Variants in CACNA1E observed in about 807,000 individuals in gnomAD.
CACNA1E encodes voltage-dependent R-type calcium channel subunit alpha-1E.
A neutral mutation model predicts 259.2 loss-of-function variants in CACNA1E; 40 were observed. The observed-to-expected ratio is 0.15, with a 90% confidence interval of 0.12 to 0.20. CACNA1E has a LOEUF of 0.20. Among genes scored for constraint, CACNA1E ranks in the 10% least tolerant of loss-of-function variants. The pLI, the probability that CACNA1E is intolerant of heterozygous loss-of-function variation, is 1.00. For synonymous variants in CACNA1E, 1,104 were observed against 1,138.5 expected (o/e 0.97, Z 0.61); for missense variants, 1,874 against 3,040.1 (o/e 0.62, Z 9.02).
At chr1:181,425,519 G>T in intron 2 of CACNA1E, among the ~76,000 whole-genome samples, 1 of 145,744 alleles carries the variant, frequency 6.9e-6, no homozygotes, top group Non-Finnish European at 1.5e-5. Flanking sequence ...TGAAATTGCT[G>T]TACACCCCCG....
In CACNA1E at chr1:181,641,696, ATTTTTTG is replaced by A. The variant is rs1398016427; in HGVS notation, c.952-9635_952-9629del. Among the ~76,000 whole-genome samples the A allele has an allele frequency of 4.6e-4, 48 of 104,092 alleles. 1 individual carries two copies. The highest frequency in any genetic ancestry group is 1.8e-3 in the African/African-American group (45 of 24,758). The allele number at this position is 104,092 out of a possible 152,430, so 68.3% of individuals were successfully genotyped here. A position where few individuals can be genotyped will look rare whatever the true frequency, so the allele number is the denominator to read the frequency against. ...CAAATGAGATCATGAGGCAACACTA[ATTTTTTG>A]TTTTTTTTTTTTTTTTTTTTTTTTT... On this transcript the variant is annotated intron_variant, in intron 6 of 47. Coordinates refer to ENST00000367573, the MANE Select transcript of CACNA1E (RefSeq NM_001205293.3).
At chr1:181,568,698 A>G (rs1038896996) in intron 3 of CACNA1E, among the ~76,000 whole-genome samples, 2 of 152,032 alleles carry the variant, frequency 1.3e-5, no homozygotes, top group African/African-American at 4.8e-5. Flanking sequence ...TGGGGTTGTG[A>G]TTCTCCCACC....
At chr1:181,682,234 A>T (rs1650046368) in intron 7 of CACNA1E, among the ~76,000 whole-genome samples, 1 of 152,228 alleles carries the variant, frequency 6.6e-6, no homozygotes, top group African/African-American at 2.4e-5. Context: ...ACCATAGTTC[A>T]GTTGACTTTG....
At chr1:181,722,240 G>A (rs895350052) in intron 16 of CACNA1E, among the ~76,000 whole-genome samples, 1 of 152,156 alleles carries the variant, frequency 6.6e-6, no homozygotes, top group African/African-American at 2.4e-5. Flanking sequence ...TGCTAATGTA[G>A]AACAGAGCCT....
chr1:181,391,248 A>G (rs1249294547), intron 1 of CACNA1E, among the ~76,000 whole-genome samples: 1 of 152,212 alleles, frequency 6.6e-6, no homozygotes, highest in African/African-American at 2.4e-5. Flanking sequence ...TGCAGCAGCC[A>G]GAGTAATCTT....
intron 1 of CACNA1E, among the ~76,000 whole-genome samples, chr1:181,372,830 T>TATATATA (rs1426861536): frequency 8.1e-6 from 1 of 123,848 alleles, no homozygotes; most frequent in African/African-American, 3.6e-5. Flanking sequence ...ATATATATAT[T>TATATATA]TTTTTTTTAA....
chr1:181,693,029 A>C (rs772932077), intron 7 of CACNA1E, among the ~76,000 whole-genome samples: 1 of 151,894 alleles, frequency 6.6e-6, no homozygotes, highest in Non-Finnish European at 1.5e-5. Context: ...GCAACCAACA[A>C]ATGTGAAAAA....
At chr1:181,597,916 C>T (rs1012696931) in intron 6 of CACNA1E, among the ~76,000 whole-genome samples, 1 of 152,202 alleles carries the variant, frequency 6.6e-6, no homozygotes, top group Non-Finnish European at 1.5e-5. Flanking sequence ...CAATCACCTC[C>T]CACCGGCTTC....
At chr1:181,407,686 T>C (rs546684863) in intron 1 of CACNA1E, among the ~76,000 whole-genome samples, 12 of 152,186 alleles carry the variant, frequency 7.9e-5, no homozygotes, top group African/African-American at 2.9e-4. Context: ...GCAGGCTGGC[T>C]CAGCTAAGAA....
At chr1:181,750,373 T>A (rs1657483982) in intron 25 of CACNA1E, 103 bp from the exon 26 acceptor site, 1 of 974,842 alleles carries the variant, frequency 1.0e-6, no homozygotes, top group Non-Finnish European at 1.6e-6. Context: ...TTCTCTTTTC[T>A]CCCTGAAGTG....
intron 3 of CACNA1E, among the ~76,000 whole-genome samples, chr1:181,575,681 G>A (rs914266870): frequency 6.6e-6 from 1 of 152,206 alleles, no homozygotes; most frequent in South Asian, 2.1e-4. Context: ...AGTGTCTCAT[G>A]TGTATCTGAG....
chr1:181,497,448 A>G (rs926161607), intron 1 of CACNA1E, among the ~76,000 whole-genome samples: 1 of 152,140 alleles, frequency 6.6e-6, no homozygotes, highest in African/African-American at 2.4e-5. Flanking sequence ...CCACCATTCT[A>G]TAAGGACCTC....
intron 2 of CACNA1E, among the ~76,000 whole-genome samples, chr1:181,439,180 C>A (rs1660282090): frequency 6.6e-6 from 1 of 152,100 alleles, no homozygotes; most frequent in South Asian, 2.1e-4. Flanking sequence ...GGTACCCATG[C>A]TAGGCAGGGG....
chr1:181,319,978 T>G (rs1650214657), intron 1 of CACNA1E, among the ~76,000 whole-genome samples: 1 of 152,264 alleles, frequency 6.6e-6, no homozygotes, highest in Non-Finnish European at 1.5e-5. Context: ...TGGAGCTTCA[T>G]GCTCTAACTC....
chr1:181,673,075 T>C (rs1232769259), intron 7 of CACNA1E, among the ~76,000 whole-genome samples: 1 of 151,856 alleles, frequency 6.6e-6, no homozygotes, highest in Non-Finnish European at 1.5e-5. Context: ...ATTGAGAGGG[T>C]TGTCAGTATG....
chr1:181,514,768 T>A (rs1027707800), intron 3 of CACNA1E, among the ~76,000 whole-genome samples: 1 of 152,150 alleles, frequency 6.6e-6, no homozygotes, highest in African/African-American at 2.4e-5. Flanking sequence ...AGACCTGCTC[T>A]TATTGATCTT....
At chr1:181,328,879 C>T (rs1044188634) in intron 1 of CACNA1E, among the ~76,000 whole-genome samples, 27 of 152,182 alleles carry the variant, frequency 1.8e-4, no homozygotes, top group African/African-American at 6.0e-4. Flanking sequence ...CTGCTAGGCA[C>T]ATTCTCACAG....
chr1:181,759,958 A>G (rs1169218004), intron 32 of CACNA1E, among the ~76,000 whole-genome samples: 1 of 152,168 alleles, frequency 6.6e-6, no homozygotes, highest in African/African-American at 2.4e-5. Context: ...AGTTGGCTGC[A>G]TTGTGTTTGC....
At chr1:181,621,735 C>A (rs972376068) in intron 6 of CACNA1E, among the ~76,000 whole-genome samples, 2 of 152,102 alleles carry the variant, frequency 1.3e-5, no homozygotes, top group Admixed American at 1.3e-4. Flanking sequence ...GTTTTTTTTA[C>A]TACAACCCTA....
Sources: allele counts gnomAD v4.1 joint callset (sites outside exome capture counted in the v4.1 genomes callset), GRCh38; gene constraint gnomAD v4.1.1; transcripts MANE v1.5; gene names NCBI Gene and HGNC (gene_info 2026-07-23, HGNC 2026-07-21).